The following DNM1L variants were observed in gnomAD, a reference collection of about 807,000 sequenced individuals.
DNM1L encodes dynamin 1L.
In DNM1L, 33 loss-of-function variants were observed where a neutral mutation model predicts 92.8. That is an observed-to-expected ratio of 0.36 (90% CI 0.27 to 0.48). The LOEUF (loss-of-function observed/expected upper bound fraction) is 0.48, where lower values mean the gene tolerates loss of function less well. DNM1L is among the 20% of genes least tolerant of loss of function. DNM1L has a pLI of 0.99. For synonymous variants in DNM1L, 284 were observed against 305.0 expected (o/e 0.93, Z 0.72); for missense variants, 485 against 888.8 (o/e 0.55, Z 5.78).
At chr12:32,713,717 T>G (rs1385901472) in intron 6 of DNM1L, among the ~76,000 whole-genome samples, 1 of 152,166 alleles carries the variant, frequency 6.6e-6, no homozygotes, top group Non-Finnish European at 1.5e-5. Flanking sequence ...TGGTCACATG[T>G]GCCTGCCGTC....
chr12:32,740,566 T>A, intron 18 of DNM1L, 48 bp downstream of exon 18: 1 of 1,473,894 alleles, frequency 6.8e-7, no homozygotes, highest in East Asian at 2.3e-5. Flanking sequence ...TTCTGGATGA[T>A]TCTGTGATCT....
intron 9 of DNM1L, chr12:32,728,452 T>G (rs940107663): frequency 2.0e-5 from 3 of 152,216 alleles, no homozygotes; most frequent in African/African-American, 7.2e-5. Context: ...TTTAAATACT[T>G]CTTATTGTTA....
intron 9 of DNM1L, among the ~76,000 whole-genome samples, chr12:32,723,618 C>T (rs10083136): frequency 0.14 from 21,116 of 148,146 alleles, 1,528 homozygotes; most frequent in Middle Eastern, 0.19. Context: ...TGCTTGAACC[C>T]GTGAGGCGGA....
chr12:32,686,899 G>T (rs1952031573), intron 1 of DNM1L, among the ~76,000 whole-genome samples: 2 of 147,964 alleles, frequency 1.4e-5, no homozygotes, highest in African/African-American at 5.0e-5. Context: ...GTTTGTTGGG[G>T]TTGTCTTATT....
Position 32,707,298 on chromosome 12 carries a change from C to G in DNM1L, c.251-69C>G, listed in dbSNP as rs1952963062. 3.8e-6 allele frequency: 5 copies of G among 1,303,752 alleles called. No individual in the cohort carries two copies. In the South Asian group the frequency reaches 6.4e-5, roughly 17 times the overall value. 80.8% of individuals were successfully genotyped at this position (1,303,752 alleles called of 1,614,324 possible). On this transcript the variant is annotated intron_variant, in intron 2 of 19. Transcript: ENST00000549701. ...GTTAAGAAGTGTTTTATTATGTTGCCTTTTTGAATTCCTAAAGATAAAAAG... is the reference window on the plus strand; with the variant it reads ...GTTAAGAAGTGTTTTATTATGTTGCGTTTTTGAATTCCTAAAGATAAAAAG...
At chr12:32,690,873 C>T (rs1049875265) in intron 1 of DNM1L, among the ~76,000 whole-genome samples, 1 of 152,078 alleles carries the variant, frequency 6.6e-6, no homozygotes, top group Admixed American at 6.6e-5. Flanking sequence ...AGAATACAAT[C>T]TGATGGCATT....
intron 14 of DNM1L, 118 bp downstream of exon 14, chr12:32,737,279 G>T: frequency 1.0e-6 from 1 of 996,498 alleles, no homozygotes. Flanking sequence ...CACTCCATTG[G>T]AACTAACTGA....
Position 32,731,315 on chromosome 12 carries a change from A to C in DNM1L, c.1201-41A>C, listed in dbSNP as rs745775354. The C allele has an allele frequency of 8.1e-5, 130 of 1,611,932 alleles. No individual in the cohort carries two copies. The highest frequency in any genetic ancestry group is 1.1e-4 in the Non-Finnish European group (128 of 1,178,886). On this transcript the variant is annotated intron_variant, in intron 10 of 19. Transcript: ENST00000549701. This position sits in a 1 kb window ranked among gnomAD's most constrained non-coding sequence, Gnocchi z 5.1. The stretch of plus-strand genomic sequence containing the variant: ...TTTCTTAACCCTTGGGAAGAACTGA[A>C]ATTACATATATAATAAGAGTTCTAA...
intron 19 of DNM1L, 45 bp from the exon 20 acceptor site, chr12:32,743,309 A>G: frequency 5.1e-6 from 8 of 1,560,004 alleles, no homozygotes; most frequent in South Asian, 1.1e-5. Context: ...GATTAATTTC[A>G]TAACTTTATA....
At chr12:32,738,048 G>T in intron 15 of DNM1L, 106 bp downstream of exon 15, 2 of 1,282,778 alleles carry the variant, frequency 1.6e-6, no homozygotes, top group South Asian at 1.2e-5. Context: ...GGGATACTGT[G>T]CTAAGGTCAG....
intron 1 of DNM1L, among the ~76,000 whole-genome samples, chr12:32,694,765 C>T (rs895226356): frequency 4.6e-5 from 7 of 152,128 alleles, no homozygotes; most frequent in African/African-American, 1.7e-4. Context: ...AGATTGGGAA[C>T]AAACCATTGT....
In DNM1L at chr12:32,691,627, A is replaced by T. The variant is rs200451897; in HGVS notation, c.103-9788A>T. On this transcript the variant is annotated intron_variant, in intron 1 of 19. Transcript: ENST00000549701. Reference sequence around the variant, plus strand: ...CGAGGTACTGGGGGTTAGGGCTTCAACATATAAATTTTGGGAAGACACAAT... The same window carrying T: ...CGAGGTACTGGGGGTTAGGGCTTCATCATATAAATTTTGGGAAGACACAAT... 2.0e-5 allele frequency among the ~76,000 whole-genome samples: 3 copies of T among 152,310 alleles called. No homozygotes were observed. In the East Asian group the frequency reaches 5.8e-4, roughly 29 times the overall value.
intron 1 of DNM1L, among the ~76,000 whole-genome samples, chr12:32,690,878 G>A (rs1359525153): frequency 1.3e-5 from 2 of 151,934 alleles, no homozygotes; most frequent in Admixed American, 1.3e-4. Flanking sequence ...ACAATCTGAT[G>A]GCATTAAAAA....
At chr12:32,715,729 CA>C (rs150096851) in intron 6 of DNM1L, among the ~76,000 whole-genome samples, 23,350 of 150,060 alleles carry the variant, frequency 0.16, 1,896 homozygotes, top group Middle Eastern at 0.21. Flanking sequence ...AGGACAGTCT[CA>C]AAAAAAAAGA....
intron 13 of DNM1L, 25 bp from the exon 14 acceptor site, chr12:32,737,080 C>G: frequency 6.2e-7 from 1 of 1,613,166 alleles, no homozygotes; most frequent in Non-Finnish European, 8.5e-7. Context: ...TGGATAATCA[C>G]TTTTGTTTTG....
intron 1 of DNM1L, among the ~76,000 whole-genome samples, chr12:32,699,669 C>G (rs141834362): frequency 0.011 from 1,688 of 151,984 alleles, 28 homozygotes; most frequent in African/African-American, 0.039. Context: ...TGTCACACGC[C>G]TGTAATCTCA....
intron 5 of DNM1L, among the ~76,000 whole-genome samples, chr12:32,712,049 A>G (rs2137365132): frequency 6.6e-6 from 1 of 152,218 alleles, no homozygotes; most frequent in Middle Eastern, 3.4e-3. Context: ...ATAAATTCAT[A>G]TTTACTGTCC....
chr12:32,700,052 GCAAAAAC>G (rs150284453), intron 1 of DNM1L, among the ~76,000 whole-genome samples: 23,336 of 152,036 alleles, frequency 0.15, 1,875 homozygotes, highest in Middle Eastern at 0.21. Context: ...GTTAAAAACA[GCAAAAAC>G]CAAAAACCAT....
At chr12:32,736,897 G>A in intron 13 of DNM1L, 1 of 554,554 alleles carries the variant, frequency 1.8e-6, no homozygotes. Context: ...TATCCTTCAG[G>A]TGTGTGGGCA....
Sources: gnomAD v4.1 joint callset for allele counts (sites outside exome capture counted in the v4.1 genomes callset) on GRCh38, gnomAD v4.1.1 for gene constraint, Gnocchi (gnomAD v3.1) non-coding constraint, MANE v1.5 for transcripts, NCBI Gene and HGNC (gene_info 2026-07-23, HGNC 2026-07-21) for gene names.